The following ZEB1 variants were observed in gnomAD, a reference collection of about 807,000 sequenced individuals.
ZEB1 encodes zinc finger E-box-binding homeobox 1.
Under a neutral mutation model 84.9 loss-of-function variants are expected in ZEB1, and 21 were observed. The observed-to-expected ratio is 0.25, with a 90% CI of 0.18 to 0.36. The LOEUF is 0.36. Ranked by LOEUF, ZEB1 falls within the 10% of genes least tolerant of loss-of-function variation. The probability of loss-of-function intolerance (pLI) is 1.00; values close to 1 mark genes in which losing one functional copy is unlikely to be tolerated. For missense variants in ZEB1, 1,104 were observed against 1,330.2 expected, an observed-to-expected ratio of 0.83 and a Z score of 2.65; for synonymous variants, 420 against 471.1, an observed-to-expected ratio of 0.89 and a Z score of 1.41.
At chr10:31,340,586 G>C (rs1422196583) in intron 1 of ZEB1, among the ~76,000 whole-genome samples, 1 of 152,168 alleles carries the variant, frequency 6.6e-6, no homozygotes, top group East Asian at 1.9e-4. Flanking sequence ...TGTGATGTTT[G>C]CCTACCATGT....
intron 1 of ZEB1, among the ~76,000 whole-genome samples, chr10:31,376,318 T>C (rs566677213): frequency 8.4e-4 from 127 of 151,906 alleles, no homozygotes; most frequent in African/African-American, 2.9e-3. Flanking sequence ...AATCCGCTCA[T>C]ACTCCTCATG....
chr10:31,464,240 C>A (rs1416685814), intron 2 of ZEB1, among the ~76,000 whole-genome samples: 1 of 152,018 alleles, frequency 6.6e-6, no homozygotes, highest in Non-Finnish European at 1.5e-5. Context: ...GTAGTCCCAG[C>A]TACTCGGGAG....
intron 2 of ZEB1, among the ~76,000 whole-genome samples, chr10:31,473,533 C>T (rs1224142788): frequency 6.6e-6 from 1 of 151,878 alleles, no homozygotes; most frequent in African/African-American, 2.4e-5. Flanking sequence ...AGGAGAACTA[C>T]AAACCACTGG....
intron 1 of ZEB1, among the ~76,000 whole-genome samples, chr10:31,396,982 C>G (rs961387117): frequency 2.7e-5 from 4 of 150,702 alleles, no homozygotes; most frequent in African/African-American, 9.7e-5. Context: ...AGCTCGAGCT[C>G]TCCTAACTTA....
intron 1 of ZEB1, among the ~76,000 whole-genome samples, chr10:31,374,159 T>C (rs1212585634): frequency 6.6e-6 from 1 of 151,886 alleles, no homozygotes; most frequent in African/African-American, 2.4e-5. Flanking sequence ...ATTATAATTC[T>C]GTTAACCATT....
At chr10:31,379,944 C>T (rs898630766) in intron 1 of ZEB1, among the ~76,000 whole-genome samples, 1 of 152,066 alleles carries the variant, frequency 6.6e-6, no homozygotes, top group Admixed American at 6.6e-5. Context: ...CTTATATAAC[C>T]ACAATACCTT....
At chr10:31,444,473 C>T (rs957004012) in intron 1 of ZEB1, among the ~76,000 whole-genome samples, 20 of 152,076 alleles carry the variant, frequency 1.3e-4, no homozygotes, top group Non-Finnish European at 2.1e-4. Flanking sequence ...GTGTTTTAGA[C>T]ATGAAGTCCT....
At chr10:31,350,703 C>G (rs796372820) in intron 1 of ZEB1, among the ~76,000 whole-genome samples, 4 of 152,146 alleles carry the variant, frequency 2.6e-5, no homozygotes, top group African/African-American at 7.2e-5. Flanking sequence ...TTCCTAATAG[C>G]CTGTGATGAA....
chr10:31,330,156 C>G (rs932870845), intron 1 of ZEB1, among the ~76,000 whole-genome samples: 5 of 152,156 alleles, frequency 3.3e-5, no homozygotes, highest in Non-Finnish European at 5.9e-5. Context: ...AAGCTTATAG[C>G]TTTACCATTT....
intron 1 of ZEB1, among the ~76,000 whole-genome samples, chr10:31,457,086 C>T (rs541836446): frequency 5.3e-5 from 8 of 152,196 alleles, no homozygotes; most frequent in African/African-American, 1.9e-4. Context: ...ATTTTTTACC[C>T]TTGCTTTCTT....
intron 4 of ZEB1, among the ~76,000 whole-genome samples, chr10:31,502,779 A>G (rs1244181549): frequency 1.3e-5 from 2 of 152,194 alleles, no homozygotes; most frequent in African/African-American, 4.8e-5. Flanking sequence ...ATTTACTTAC[A>G]TGGTAGCAGG....
intron 2 of ZEB1, 47 bp from the exon 3 acceptor site, chr10:31,495,729 G>A (rs776502893): frequency 3.1e-6 from 5 of 1,600,154 alleles, no homozygotes; most frequent in South Asian, 1.1e-5. Context: ...TCTTTCGTTT[G>A]TATTAGGAAC....
intron 1 of ZEB1, among the ~76,000 whole-genome samples, chr10:31,327,574 G>A (rs2035835543): frequency 6.6e-6 from 1 of 152,106 alleles, no homozygotes; most frequent in African/African-American, 2.4e-5. Flanking sequence ...CCAATTCTTA[G>A]ATACCAATAA....
chr10:31,328,671 A>G (rs2036112571), intron 1 of ZEB1, among the ~76,000 whole-genome samples: 1 of 152,126 alleles, frequency 6.6e-6, no homozygotes, highest in Non-Finnish European at 1.5e-5. Context: ...TACTTTTGGT[A>G]TGTCTTTCAG....
chr10:31,501,343 T>G lies in ZEB1; in HGVS notation c.323-1005T>G, dbSNP rs370868854. Among the ~76,000 whole-genome samples the G allele has an allele frequency of 2.5e-4, 38 of 152,320 alleles. 1 individual carries two copies. The highest frequency in any genetic ancestry group is 8.7e-4 in the African/African-American group (36 of 41,578). ...AAACTTGGCAGCACGCTGGGCTACC[T>G]TCTCAAAGCATAAGCCTTTCTAATT... On this transcript the variant is annotated intron_variant, in intron 3 of 8. Coordinates refer to ENST00000424869, the MANE Select transcript of ZEB1 (RefSeq NM_001174096.2).
intron 1 of ZEB1, among the ~76,000 whole-genome samples, chr10:31,337,682 TG>T (rs1172953151): frequency 1.1e-4 from 16 of 139,578 alleles, no homozygotes; most frequent in African/African-American, 3.7e-4. Context: ...AATTTCTTTC[TG>T]TTTTTTTTTT....
intron 2 of ZEB1, among the ~76,000 whole-genome samples, chr10:31,481,275 A>T (rs186261307): frequency 1.6e-3 from 240 of 152,176 alleles, no homozygotes; most frequent in Admixed American, 3.3e-3. Context: ...AAATATGAAA[A>T]TATAGATGGG....
chr10:31,529,490 T>G lies in ZEB1; in HGVS notation c.*2226T>G, dbSNP rs1834740360. On this transcript the variant is annotated 3_prime_UTR_variant, in exon 9 of 9. Coordinates refer to ENST00000424869, the MANE Select transcript of ZEB1 (RefSeq NM_001174096.2). The stretch of plus-strand genomic sequence containing the variant: ...CTGGGTTTAGATGCCTTTCTGACTC[T>G]CAGCTCCTGCACTTCTGTCATCATA... The G allele has an allele frequency of 6.6e-6, 1 of 152,240 alleles. No homozygotes were observed. Among genetic ancestry groups the G allele is most frequent in the Non-Finnish European group, 1.5e-5 (1 of 68,050 alleles). 9.4% of individuals were successfully genotyped at this position (152,240 alleles called of 1,614,324 possible).
At chr10:31,431,557 A>G (rs1403696232) in intron 1 of ZEB1, among the ~76,000 whole-genome samples, 2 of 152,142 alleles carry the variant, frequency 1.3e-5, no homozygotes, top group East Asian at 3.8e-4. Flanking sequence ...AAGCTTTTTT[A>G]AACTCCGCAT....
Sources: allele counts gnomAD v4.1 joint callset (sites outside exome capture counted in the v4.1 genomes callset), GRCh38; gene constraint gnomAD v4.1.1; transcripts MANE v1.5; gene names NCBI Gene and HGNC (gene_info 2026-07-23, HGNC 2026-07-21).